Variants in KTN1 observed in about 807,000 individuals in gnomAD.
KTN1 encodes kinectin.
A neutral mutation model predicts 222.5 loss-of-function variants in KTN1; 130 were observed. The observed-to-expected ratio is 0.58, with a 90% confidence interval of 0.51 to 0.68. The LOEUF (loss-of-function observed/expected upper bound fraction) is 0.68. Among genes scored for constraint, KTN1 ranks in the 30% least tolerant of loss-of-function variants. The pLI is 0.00. For synonymous variants in KTN1, 512 were observed against 496.3 expected (o/e 1.03, Z -0.42); for missense variants, 1,508 against 1,500.4 (o/e 1.01, Z -0.08).
chr14:55,664,721 G>A (rs949970128), intron 33 of KTN1, among the ~76,000 whole-genome samples: 2 of 152,092 alleles, frequency 1.3e-5, no homozygotes, highest in Admixed American at 6.6e-5. Flanking sequence ...GTACCATTGG[G>A]TGTGAAGATT....
At chr14:55,649,705 A>T (rs1385717655) in intron 21 of KTN1, 71 bp from the exon 22 acceptor site, 2 of 874,186 alleles carry the variant, frequency 2.3e-6, no homozygotes, top group African/African-American at 1.7e-5. Context: ...TCTAAGGATA[A>T]TGTGCATTTC....
intron 23 of KTN1, 60 bp from the exon 24 acceptor site, chr14:55,650,509 C>A: frequency 6.6e-7 from 1 of 1,510,192 alleles, no homozygotes; most frequent in Non-Finnish European, 9.2e-7. Context: ...CTGTGCATTG[C>A]ATTTTATGTC....
Position 55,612,501 on chromosome 14 carries a change from G to C in KTN1, c.453G>C (p.Gln151His), listed in dbSNP as rs1444021675. ...TAGAACCTGTCCCAGTTACTAAACA[G>C]CCCACCCCTCCCTCTGAAGCAGCTG... ...KKVEPVPVTKQPTPPSEAAAS... is the reference protein window; with the variant it reads ...KKVEPVPVTKHPTPPSEAAAS... Residue 151 changes from glutamine to histidine, a missense_variant, in exon 2 of 44, where the codon CAG becomes CAC. Transcript: ENST00000395314. 1 of 1,613,026 alleles carries C rather than the reference G, an allele frequency of 6.2e-7. No homozygotes were observed. Among genetic ancestry groups the C allele is most frequent in the South Asian group, 1.1e-5 (1 of 90,714 alleles).
chr14:55,603,439 G>T (rs532382810), intron 1 of KTN1, among the ~76,000 whole-genome samples: 1 of 152,124 alleles, frequency 6.6e-6, no homozygotes. Flanking sequence ...AGTTTTCATT[G>T]TATTTTACTT....
At chr14:55,600,200 AC>A (rs2035761741) in intron 1 of KTN1, among the ~76,000 whole-genome samples, 1 of 151,286 alleles carries the variant, frequency 6.6e-6, no homozygotes, top group African/African-American at 2.4e-5. Flanking sequence ...TTGTTGAGTG[AC>A]CTAAGGTGAT....
chr14:55,614,394 C>G (rs2038045902), intron 2 of KTN1, among the ~76,000 whole-genome samples: 1 of 152,034 alleles, frequency 6.6e-6, no homozygotes, highest in Non-Finnish European at 1.5e-5. Flanking sequence ...GAGAAGTATG[C>G]AAAGTAAGAA....
intron 40 of KTN1, 93 bp downstream of exon 40, chr14:55,673,348 A>G (rs757842525): frequency 1.4e-6 from 1 of 727,148 alleles, no homozygotes; most frequent in Admixed American, 2.7e-5. Flanking sequence ...TTTCTTTGCT[A>G]ACATCTTTAG....
intron 1 of KTN1, among the ~76,000 whole-genome samples, chr14:55,605,584 G>C (rs1271323027): frequency 6.6e-6 from 1 of 152,074 alleles, no homozygotes; most frequent in Non-Finnish European, 1.5e-5. Flanking sequence ...AGTAGTTTGG[G>C]CCCTAAAGCC....
intron 43 of KTN1, chr14:55,683,706 TA>T (rs5808818): frequency 0.55 from 83,093 of 151,136 alleles, 22,874 homozygotes; most frequent in Admixed American, 0.63. Context: ...TCATATGACC[TA>T]AAAAAAAAAA....
chr14:55,580,577 C>T (rs1169417683), intron 1 of KTN1, among the ~76,000 whole-genome samples: 3 of 151,538 alleles, frequency 2.0e-5, no homozygotes, highest in African/African-American at 7.3e-5. Flanking sequence ...CTCGGAGGGA[C>T]CTCCTCGGCC....
intron 25 of KTN1, among the ~76,000 whole-genome samples, chr14:55,652,353 C>T (rs998429471): frequency 4.0e-5 from 6 of 150,090 alleles, no homozygotes; most frequent in Non-Finnish European, 7.4e-5. Context: ...CTTAATCATC[C>T]TATGCTTCCT....
chr14:55,619,091 G>T, intron 4 of KTN1, 91 bp from the exon 5 acceptor site: 1 of 956,198 alleles, frequency 1.0e-6, no homozygotes, highest in Non-Finnish European at 1.6e-6. Flanking sequence ...GACTTTCTGG[G>T]CCGTGAATTC....
chr14:55,671,706 T>A, intron 36 of KTN1, 51 bp downstream of exon 36: 1 of 1,539,076 alleles, frequency 6.5e-7, no homozygotes, highest in Non-Finnish European at 9.0e-7. Flanking sequence ...AATCATTACC[T>A]TCTTCCTTCA....
chr14:55,652,807 C>A (rs747303102), intron 25 of KTN1, 43 bp from the exon 26 acceptor site: 1 of 1,401,916 alleles, frequency 7.1e-7, no homozygotes, highest in Non-Finnish European at 9.9e-7. Context: ...TTTTTATGGT[C>A]ATGTAACATT....
intron 1 of KTN1, among the ~76,000 whole-genome samples, chr14:55,596,154 C>CAAAAAAAAAAAAAAAAAAAATAAAAAA: frequency 1.6e-5 from 1 of 61,132 alleles, no homozygotes; most frequent in Non-Finnish European, 3.0e-5. Context: ...GACTCAATAG[C>CAAAAAAAAAAAAAAAAAAAATAAAAAA]AAAAAAAAAA....
At chr14:55,647,633 CAAAAAAAAAA>C (rs35742930) in intron 19 of KTN1, among the ~76,000 whole-genome samples, 3 of 32,976 alleles carry the variant, frequency 9.1e-5, no homozygotes, top group Admixed American at 5.1e-4. Flanking sequence ...AACTCTGCCT[CAAAAAAAAAA>C]AAAAAAAAAA....
intron 1 of KTN1, among the ~76,000 whole-genome samples, chr14:55,604,967 A>G (rs1467170749): frequency 6.6e-5 from 10 of 152,100 alleles, no homozygotes; most frequent in Admixed American, 3.3e-4. Context: ...TTGACTGCTG[A>G]TCTTTTCTAG....
rs540986710 is a variant in KTN1, at chr14:55,617,294, A to G, written c.661+640A>G. On this transcript the variant is annotated intron_variant, in intron 3 of 43. Transcript: ENST00000395314. Reference sequence around the variant, plus strand: ...AGTAAAGAAGCTCTTTTTGAAAGGTAGGAATGAAAAGAAAAGAGATTTTCA... The same window carrying G: ...AGTAAAGAAGCTCTTTTTGAAAGGTGGGAATGAAAAGAAAAGAGATTTTCA... Among the ~76,000 whole-genome samples the G allele has an allele frequency of 3.1e-3, 469 of 152,342 alleles. 1 individual carries two copies. The highest frequency in any genetic ancestry group is 0.011 in the African/African-American group (449 of 41,578).
chr14:55,652,491 C>T (rs781492539), intron 25 of KTN1, among the ~76,000 whole-genome samples: 7 of 151,298 alleles, frequency 4.6e-5, no homozygotes, highest in African/African-American at 7.3e-5. Flanking sequence ...CTCCACCTCC[C>T]GGGTTCAAGT....
Sources: gnomAD v4.1 joint callset for allele counts (sites outside exome capture counted in the v4.1 genomes callset) on GRCh38, gnomAD v4.1.1 for gene constraint, MANE v1.5 for transcripts, NCBI Gene and HGNC (gene_info 2026-07-23, HGNC 2026-07-21) for gene names.